The following ZNF267 variants were observed in gnomAD, a reference collection of about 807,000 sequenced individuals.
ZNF267 encodes the protein zinc finger protein 267.
ZNF267 carries 61 observed loss-of-function variants against 71.6 expected under a neutral mutation model. The ratio of observed to expected loss-of-function variants is 0.85; its 90% CI spans 0.69 to 1.05. The LOEUF is 1.05. Ranked by LOEUF, ZNF267 falls within the 50% of genes least tolerant of loss-of-function variation. The pLI is 0.00. For missense variants in ZNF267, 852 were observed against 870.0 expected (o/e 0.98, Z 0.26); for synonymous variants, 288 against 293.2 (o/e 0.98, Z 0.18).
At chr16:31,905,098 A>T (rs1225030057) in intron 3 of ZNF267, among the ~76,000 whole-genome samples, 2 of 152,196 alleles carry the variant, frequency 1.3e-5, no homozygotes, top group East Asian at 1.9e-4. Context: ...TTCTTTAAGA[A>T]TGTTGAATAT....
intron 1 of ZNF267, 76 bp from the exon 2 acceptor site, chr16:31,884,422 C>T: frequency 6.3e-7 from 1 of 1,592,024 alleles, no homozygotes; most frequent in African/African-American, 1.3e-5. Flanking sequence ...GAACCAATAA[C>T]TGTCATTTCA....
At chr16:31,906,500 C>A (rs1219953307) in intron 3 of ZNF267, among the ~76,000 whole-genome samples, 1 of 152,226 alleles carries the variant, frequency 6.6e-6, no homozygotes. Context: ...CCCAGCCTTG[C>A]TGCCACCTTG....
At chr16:31,911,496 T>G (rs1477793558) in intron 3 of ZNF267, among the ~76,000 whole-genome samples, 1 of 151,760 alleles carries the variant, frequency 6.6e-6, no homozygotes, top group Non-Finnish European at 1.5e-5. Context: ...TCTTTTTTTT[T>G]GTTTTCATTG....
Position 31,884,595 on chromosome 16 carries a change from T to A in ZNF267, c.101T>A (p.Leu34Ter). Reference sequence around the variant, plus strand: ...AAGAATTTGTATCAGGATGTGATGTTAGAAAACTACAGAAACCTGGTCTCT... The same window carrying A: ...AAGAATTTGTATCAGGATGTGATGTAAGAAAACTACAGAAACCTGGTCTCT... ...AQKNLYQDVM[L>*]ENYRNLVSLG... The change falls in exon 2 of 4, where the codon TTA (leucine) becomes TAA (stop). Residue 34 changes from leucine to a stop codon, truncating the protein, a stop_gained. Coordinates refer to ENST00000300870, the MANE Select transcript of ZNF267 (RefSeq NM_003414.6). LOFTEE classifies it high-confidence loss of function. 1 of 1,614,138 alleles carries A rather than the reference T, an allele frequency of 6.2e-7. No homozygotes were observed. The highest frequency in any genetic ancestry group is 8.5e-7 in the Non-Finnish European group (1 of 1,179,996).
chr16:31,881,839 A>G (rs186217722), intron 1 of ZNF267, among the ~76,000 whole-genome samples: 1 of 151,880 alleles, frequency 6.6e-6, no homozygotes, highest in East Asian at 1.9e-4. Context: ...TGATTTTTGT[A>G]TTTTTAGTAG....
At chr16:31,885,306 CAAGA>C in intron 3 of ZNF267, 50 bp downstream of exon 3, 1 of 1,518,726 alleles carries the variant, frequency 6.6e-7, no homozygotes, top group Non-Finnish European at 8.9e-7. Flanking sequence ...GTCCAGAAGT[CAAGA>C]AAGAACCAGA....
chr16:31,873,963 G>A lies in ZNF267; in HGVS notation c.-4G>A, dbSNP rs777276876. The A allele has an allele frequency of 3.7e-6, 6 of 1,613,638 alleles. No homozygotes were observed. The highest frequency in any genetic ancestry group is 5.1e-6 in the Non-Finnish European group (6 of 1,179,672). ...AGACGCCAGGGCATCCCGGAAGCTG[G>A]GAAATGGTGAGTGTGCGGGGTCGGG... On this transcript the variant is annotated 5_prime_UTR_variant, in exon 1 of 4. Coordinates refer to ENST00000300870, the MANE Select transcript of ZNF267 (RefSeq NM_003414.6).
In ZNF267 at chr16:31,914,860, A is replaced by T; in HGVS notation, c.611A>T (p.Asn204Ile). Reference protein sequence around the residue: ...SVLFRQVSTLNSYRNVFIGEK... With the variant: ...SVLFRQVSTLISYRNVFIGEK... Reference sequence around the variant, plus strand: ...TTATTTAGGCAGGTCTCTACTCTAAATAGTTACCGAAATGTTTTTATTGGA... The same window carrying T: ...TTATTTAGGCAGGTCTCTACTCTAATTAGTTACCGAAATGTTTTTATTGGA... Residue 204 changes from asparagine to isoleucine, a missense_variant, in exon 4 of 4, where the codon AAT (asparagine) becomes ATT (isoleucine). Transcript: ENST00000300870. The T allele has an allele frequency of 6.2e-7, 1 of 1,611,506 alleles. No individual in the cohort carries two copies. Among genetic ancestry groups the T allele is most frequent in the Non-Finnish European group, 8.5e-7 (1 of 1,179,344 alleles).
intron 1 of ZNF267, among the ~76,000 whole-genome samples, chr16:31,882,031 G>A (rs2083894054): frequency 6.6e-6 from 1 of 152,132 alleles, no homozygotes. Flanking sequence ...TCTATAGTTA[G>A]CTTTTATAGT....
Position 31,915,384 on chromosome 16 carries a change from C to T in ZNF267, c.1135C>T (p.Leu379Phe). 1 of 1,613,518 alleles carries T rather than the reference C, an allele frequency of 6.2e-7. No individual in the cohort carries two copies. Among genetic ancestry groups the T allele is most frequent in the Non-Finnish European group, 8.5e-7 (1 of 1,179,812 alleles). ...GCAGCAAATTGATACTGGAGAAAAC[C>T]TTTACAAATGTAAAGCATGTAGCAA... Reference protein sequence around the residue: ...KQQQIDTGENLYKCKACSKSF... With the variant: ...KQQQIDTGENFYKCKACSKSF... Residue 379 changes from leucine (L) to phenylalanine (F), a missense_variant, in exon 4 of 4, where the codon CTT becomes TTT. By Grantham distance (22) the Leu-to-Phe change is conservative. Transcript: ENST00000300870.
At chr16:31,894,340 CTT>C (rs2083981762) in intron 3 of ZNF267, among the ~76,000 whole-genome samples, 1 of 152,100 alleles carries the variant, frequency 6.6e-6, no homozygotes, top group Non-Finnish European at 1.5e-5. Flanking sequence ...TTGGACCACA[CTT>C]ACTTTAGCAA....
intron 3 of ZNF267, among the ~76,000 whole-genome samples, chr16:31,902,718 T>C (rs112894616): frequency 6.6e-6 from 1 of 152,216 alleles, no homozygotes; most frequent in Non-Finnish European, 1.5e-5. Flanking sequence ...TTTCTAGATA[T>C]ACAGTCATGT....
intron 3 of ZNF267, among the ~76,000 whole-genome samples, chr16:31,888,143 AT>A (rs1009664158): frequency 2.0e-5 from 3 of 151,928 alleles, no homozygotes; most frequent in African/African-American, 4.8e-5. Flanking sequence ...TATAAATCAG[AT>A]TTTTTTGTAA....
rs762477768 is a variant in ZNF267, at chr16:31,915,502, G to A, written c.1253G>A (p.Arg418His). ...YKCKECGKAF[R>H]CSSYLTKHKR... The stretch of plus-strand genomic sequence containing the variant: ...TGTAAAGAATGTGGCAAAGCCTTTC[G>A]CTGTAGTTCATACCTTACTAAACAT... The change falls in exon 4 of 4, where the codon CGC becomes CAC. Residue 418 changes from arginine (R) to histidine (H), a missense_variant. Arg to His is a conservative substitution (Grantham distance 29). Transcript: ENST00000300870. The A allele has an allele frequency of 3.4e-5, 55 of 1,610,768 alleles. No homozygotes were observed. The highest frequency in any genetic ancestry group is 4.1e-5 in the Non-Finnish European group (48 of 1,178,908).
At chr16:31,886,064 T>C (rs2083922073) in intron 3 of ZNF267, among the ~76,000 whole-genome samples, 1 of 152,234 alleles carries the variant, frequency 6.6e-6, no homozygotes, top group Admixed American at 6.5e-5. Flanking sequence ...GTATGAAGCT[T>C]ACTGAGAATG....
At chr16:31,874,684 C>T (rs950419266) in intron 1 of ZNF267, among the ~76,000 whole-genome samples, 2 of 152,212 alleles carry the variant, frequency 1.3e-5, no homozygotes, top group Admixed American at 6.5e-5. Flanking sequence ...ACTATAACCA[C>T]TTCCGTATAA....
intron 3 of ZNF267, among the ~76,000 whole-genome samples, chr16:31,904,013 C>T (rs935562431): frequency 1.3e-5 from 2 of 152,160 alleles, no homozygotes; most frequent in Non-Finnish European, 1.5e-5. Context: ...TTTCAAAGAA[C>T]GTCTTTATTT....
intron 1 of ZNF267, among the ~76,000 whole-genome samples, chr16:31,883,681 A>G (rs1005372797): frequency 6.6e-6 from 1 of 152,222 alleles, no homozygotes; most frequent in African/African-American, 2.4e-5. Context: ...ATATATGTAA[A>G]CAACTTTTAG....
At chr16:31,896,267 G>A (rs867697324) in intron 3 of ZNF267, among the ~76,000 whole-genome samples, 14 of 152,082 alleles carry the variant, frequency 9.2e-5, no homozygotes, top group East Asian at 1.9e-4. Flanking sequence ...CCACCTTGGC[G>A]TCCCAAAGCA....
Sources: gnomAD v4.1 joint callset for allele counts (sites outside exome capture counted in the v4.1 genomes callset) on GRCh38, gnomAD v4.1.1 for gene constraint, MANE v1.5 for transcripts, NCBI Gene and HGNC (gene_info 2026-07-23, HGNC 2026-07-21) for gene names.